Variants in ITPR1 observed in about 807,000 individuals in gnomAD.
ITPR1 encodes the protein inositol 1,4,5-trisphosphate-gated calcium channel ITPR1.
A neutral mutation model predicts 318.4 loss-of-function variants in ITPR1; 96 were observed. The ratio of observed to expected loss-of-function variants is 0.30; its 90% CI spans 0.26 to 0.36. The LOEUF (loss-of-function observed/expected upper bound fraction) is 0.36. Among genes scored for constraint, ITPR1 ranks in the 10% least tolerant of loss-of-function variants. The pLI is 1.00. For synonymous variants in ITPR1, 1,312 were observed against 1,289.9 expected (o/e 1.02, Z -0.37); for missense variants, 2,440 against 3,460.2 (o/e 0.71, Z 7.40).
intron 33 of ITPR1, among the ~76,000 whole-genome samples, chr3:4,694,476 CAT>C (rs1372717997): frequency 2.0e-5 from 3 of 152,014 alleles, no homozygotes; most frequent in Admixed American, 1.3e-4. Flanking sequence ...TAAAAACAGT[CAT>C]GTGTCGCTTA....
chr3:4,531,660 G>A (rs372366777), intron 4 of ITPR1, among the ~76,000 whole-genome samples: 3 of 152,120 alleles, frequency 2.0e-5, no homozygotes, highest in African/African-American at 7.2e-5. Flanking sequence ...ACTTCCTTCT[G>A]GCAGTCAGAA....
rs80320201 is a variant in ITPR1 at position 4,665,072 on chromosome 3, C to T, written c.1555-66C>T. ...AGCCACCCTTGAGCTTGCATTACTTCCAAACAGAGGGTTAGCTTTGAAGCC... is the reference window on the plus strand; with the variant it reads ...AGCCACCCTTGAGCTTGCATTACTTTCAAACAGAGGGTTAGCTTTGAAGCC... On this transcript the variant is annotated intron_variant, in intron 16 of 61. Transcript: ENST00000649015. The T allele has an allele frequency of 1.7e-3, 2,632 of 1,564,498 alleles. 41 individuals carry two copies. In the African/African-American group the frequency reaches 0.03, roughly 18 times the overall value.
chr3:4,717,024 G>A (rs954046054), intron 39 of ITPR1, among the ~76,000 whole-genome samples: 5 of 152,068 alleles, frequency 3.3e-5, no homozygotes, highest in East Asian at 1.9e-4. Flanking sequence ...CACCCTCTTC[G>A]GAAAAAAACA....
chr3:4,577,135 G>T (rs2088759840), intron 4 of ITPR1, among the ~76,000 whole-genome samples: 1 of 152,174 alleles, frequency 6.6e-6, no homozygotes, highest in East Asian at 1.9e-4. Context: ...GCATTCCACA[G>T]ACCCCCCTAC....
chr3:4,748,748 A>C (rs2044287425), intron 44 of ITPR1, among the ~76,000 whole-genome samples: 1 of 152,166 alleles, frequency 6.6e-6, no homozygotes, highest in Non-Finnish European at 1.5e-5. Context: ...TTCACACCAA[A>C]AACCCAAGTG....
chr3:4,600,886 G>A lies in ITPR1; in HGVS notation c.164-26877G>A, dbSNP rs529725501. Among the ~76,000 whole-genome samples the A allele has an allele frequency of 5.3e-5, 8 of 152,344 alleles. No individual in the cohort carries two copies. In the East Asian group the frequency reaches 1.5e-3, roughly 29 times the overall value. On this transcript the variant is annotated intron_variant, in intron 4 of 61. Coordinates refer to ENST00000649015, the MANE Select transcript of ITPR1 (RefSeq NM_001378452.1). ...GAGCACTATTTAATTTGTTGATTGT[G>A]TGGGGACAACTCATGACAGCACACC...
chr3:4,652,268 C>T (rs758662687), intron 11 of ITPR1, 50 bp downstream of exon 11: 65 of 1,296,274 alleles, frequency 5.0e-5, no homozygotes, highest in Non-Finnish European at 5.4e-5. Context: ...CGCACCTCAC[C>T]GCCTTTCCTC....
rs1357134271 is a variant in ITPR1, at chr3:4,826,863, C to T, written c.8028+8621C>T. On this transcript the variant is annotated intron_variant, in intron 60 of 61. Transcript: ENST00000649015. This position sits in a 1 kb window ranked among gnomAD's most constrained non-coding sequence, Gnocchi z 4.2. The stretch of plus-strand genomic sequence containing the variant: ...GTTTGTAACAATGAGTTGAGCAGAG[C>T]CATGATCCTCCCTGAAGGAGCTTGT... 6.6e-6 allele frequency among the ~76,000 whole-genome samples: 1 copy of T among 152,136 alleles called. No homozygotes were observed. The highest frequency in any genetic ancestry group is 1.5e-5 in the Non-Finnish European group (1 of 68,030).
intron 39 of ITPR1, 138 bp from the exon 40 acceptor site, chr3:4,717,229 G>A (rs1044282000): frequency 2.2e-5 from 17 of 757,728 alleles, no homozygotes; most frequent in Non-Finnish European, 3.3e-5. Context: ...AAGCGCCCAA[G>A]CCTCTTAGGA....
intron 40 of ITPR1, among the ~76,000 whole-genome samples, chr3:4,720,888 T>G (rs893446910): frequency 7.2e-5 from 11 of 152,034 alleles, no homozygotes; most frequent in Non-Finnish European, 1.3e-4. Flanking sequence ...TGTCCTACTT[T>G]TTACATTGCT....
chr3:4,630,001 T>C (rs1019858434), intron 5 of ITPR1, among the ~76,000 whole-genome samples: 2 of 152,178 alleles, frequency 1.3e-5, no homozygotes, highest in African/African-American at 4.8e-5. Context: ...AACAAAAGCA[T>C]TGTACCTTCT....
intron 46 of ITPR1, among the ~76,000 whole-genome samples, chr3:4,773,432 A>G (rs1009935778): frequency 2.0e-5 from 3 of 152,246 alleles, no homozygotes; most frequent in Non-Finnish European, 4.4e-5. Context: ...CTCAGATGTT[A>G]TAAGAGTTGC....
chr3:4,807,590 T>A (rs2048668845), intron 55 of ITPR1, among the ~76,000 whole-genome samples: 2 of 152,148 alleles, frequency 1.3e-5, no homozygotes, highest in South Asian at 4.1e-4. Flanking sequence ...CCTTCCCCCG[T>A]CCAAAACACC....
chr3:4,494,831 C>A (rs1290781351), intron 2 of ITPR1, among the ~76,000 whole-genome samples: 3 of 152,240 alleles, frequency 2.0e-5, no homozygotes, highest in Non-Finnish European at 1.5e-5. Flanking sequence ...CTGAAGGATA[C>A]AGTGCATTTC....
intron 4 of ITPR1, among the ~76,000 whole-genome samples, chr3:4,614,305 G>A (rs11709423): frequency 0.059 from 8,990 of 152,224 alleles, 366 homozygotes; most frequent in Non-Finnish European, 0.088. Flanking sequence ...ATTCATCCAT[G>A]TTGTAACAGT....
In ITPR1 at chr3:4,655,505, A is replaced by G. The variant is rs114040376; in HGVS notation, c.996+1619A>G. On this transcript the variant is annotated intron_variant, in intron 12 of 61. Coordinates refer to ENST00000649015, the MANE Select transcript of ITPR1 (RefSeq NM_001378452.1). ...GAGCCTCAATTCCTTCATCTATACA[A>G]GTGGCATTTTTCAGGTTCTCCCAGA... Among the ~76,000 whole-genome samples the G allele has an allele frequency of 8.2e-3, 1,255 of 152,200 alleles. 18 individuals are homozygous for G. Among genetic ancestry groups the G allele is most frequent in the African/African-American group, 0.029 (1,208 of 41,512 alleles).
At chr3:4,802,899 G>A (rs1303135076) in intron 54 of ITPR1, among the ~76,000 whole-genome samples, 2 of 152,032 alleles carry the variant, frequency 1.3e-5, no homozygotes, top group Non-Finnish European at 2.9e-5. Flanking sequence ...AACACATGGT[G>A]GGCACAGAGT....
chr3:4,686,286 T>C (rs990041676), intron 30 of ITPR1, among the ~76,000 whole-genome samples: 3 of 152,202 alleles, frequency 2.0e-5, no homozygotes, highest in Non-Finnish European at 2.9e-5. Context: ...TCCTCCTCAG[T>C]CATGGGGACC....
chr3:4,549,859 C>CT (rs2085382445), intron 4 of ITPR1, among the ~76,000 whole-genome samples: 1 of 152,130 alleles, frequency 6.6e-6, no homozygotes, highest in Admixed American at 6.5e-5. Context: ...GAAATGCCCC[C>CT]ACATAGTCGG....
Sources: allele counts gnomAD v4.1 joint callset (sites outside exome capture counted in the v4.1 genomes callset), GRCh38; gene constraint gnomAD v4.1.1; non-coding constraint Gnocchi (gnomAD v3.1); transcripts MANE v1.5; gene names NCBI Gene and HGNC (gene_info 2026-07-23, HGNC 2026-07-21).